The following VLDLR variants were observed in gnomAD, a reference collection of about 807,000 sequenced individuals.
The protein encoded by VLDLR is very low-density lipoprotein receptor.
A neutral mutation model predicts 112.7 loss-of-function variants in VLDLR; 81 were observed. That is an observed-to-expected ratio of 0.72 (90% confidence interval 0.60 to 0.86). The LOEUF (loss-of-function observed/expected upper bound fraction) is 0.86, where lower values mean the gene tolerates loss of function less well. VLDLR is among the 40% of genes least tolerant of loss of function. VLDLR has a pLI of 0.00. For missense variants in VLDLR, 1,237 were observed against 1,099.4 expected (o/e 1.13, Z -1.77); for synonymous variants, 436 against 384.8 (o/e 1.13, Z -1.56).
Position 2,651,498 on chromosome 9 carries a change from G to C in VLDLR, c.2335G>C (p.Gly779Arg), listed in dbSNP as rs759163021. The C allele has an allele frequency of 1.2e-6, 2 of 1,613,040 alleles. No individual in the cohort carries two copies. The highest frequency in any genetic ancestry group is 1.7e-6 in the Non-Finnish European group (2 of 1,179,234). ...ISATSGLVPG[G>R]INVTTAVSEV... The stretch of plus-strand genomic sequence containing the variant: ...AGCAACTAGTGGACTAGTTCCTGGA[G>C]GTATTGAGTTCAGTACTGCAAACTG... The change falls in exon 16 of 19, where the codon GGG (glycine) becomes CGG (arginine). Residue 779 changes from glycine to arginine, a missense_variant and splice_region_variant. Coordinates refer to ENST00000382100, the MANE Select transcript of VLDLR (RefSeq NM_003383.5).
At chr9:2,645,240 C>G (rs1171222252) in intron 9 of VLDLR, among the ~76,000 whole-genome samples, 158 bp downstream of exon 9, 2 of 152,168 alleles carry the variant, frequency 1.3e-5, no homozygotes, top group African/African-American at 4.8e-5. Flanking sequence ...AATAGCAGAT[C>G]TCTCCCCTAG....
At chr9:2,644,163 T>G (rs1563759516) in intron 7 of VLDLR, among the ~76,000 whole-genome samples, 2 of 140,770 alleles carry the variant, frequency 1.4e-5, no homozygotes, top group Non-Finnish European at 3.1e-5. Context: ...GTTTTTTTTT[T>G]TTTTTTTTTT....
At chr9:2,647,398 A>T in intron 11 of VLDLR, 76 bp from the exon 12 acceptor site, 2 of 1,280,384 alleles carry the variant, frequency 1.6e-6, no homozygotes, top group South Asian at 1.2e-5. Flanking sequence ...CTCAAATTTT[A>T]AATTTTTGTT....
Position 2,645,095 on chromosome 9 carries a change from G to C in VLDLR, c.1312+13G>C. 1 of 1,614,036 alleles carries C rather than the reference G, an allele frequency of 6.2e-7. No homozygotes were observed. The highest frequency in any genetic ancestry group is 8.5e-7 in the Non-Finnish European group (1 of 1,180,010). On this transcript the variant is annotated intron_variant, in intron 9 of 18. Coordinates refer to ENST00000382100, the MANE Select transcript of VLDLR (RefSeq NM_003383.5). ...TGCAAGGCAGTAGGTAAATGAACTT[G>C]GACTGGTATGGCTGTTGTACCTTTA... is the stretch of plus-strand genomic sequence containing the variant.
chr9:2,643,725 T>G lies in VLDLR; in HGVS notation c.918T>G (p.Gly306=), dbSNP rs1586650757. 1 of 1,614,152 alleles carries G rather than the reference T, an allele frequency of 6.2e-7. No individual in the cohort carries two copies. Among genetic ancestry groups the G allele is most frequent in the Non-Finnish European group, 8.5e-7 (1 of 1,180,022 alleles). ...QCNGIRDCVD[G]SDEVNCKNVN... is the part of the protein sequence containing the mutation. ...ATGGTATCCGAGACTGTGTCGATGG[T>G]TCCGATGAAGTCAACTGCAAAAATG... Residue 306 remains glycine (G), a synonymous_variant, in exon 6 of 19, where the codon GGT becomes GGG. Coordinates refer to ENST00000382100, the MANE Select transcript of VLDLR (RefSeq NM_003383.5).
At chr9:2,650,825 G>C (rs550911876) in intron 15 of VLDLR, among the ~76,000 whole-genome samples, 1 of 152,302 alleles carries the variant, frequency 6.6e-6, no homozygotes, top group African/African-American at 2.4e-5. Context: ...TTCCTCAAAA[G>C]GAGGAGGACA....
intron 14 of VLDLR, 143 bp from the exon 15 acceptor site, chr9:2,650,227 A>T: frequency 2.1e-6 from 2 of 974,404 alleles, no homozygotes; most frequent in Non-Finnish European, 1.6e-6. Flanking sequence ...CTTCCTTGAT[A>T]CTGTTCTCAC....
At position 2,646,461 on chromosome 9, in the gene VLDLR, T is replaced by G. The variant is rs767201936; in HGVS notation, c.1612T>G (p.Ser538Ala). The change falls in exon 11 of 19, where the codon TCA (serine) becomes GCA (alanine). Residue 538 changes from serine (S) to alanine (A), a missense_variant. Transcript: ENST00000382100. ...YWTDAASKTI[S>A]VATLDGTKRK... ...GACTGATGCGGCTTCTAAGACTATT[T>G]CAGTAGCTACCCTAGATGGAACCAA... 7 of 1,614,064 alleles carry G rather than the reference T, an allele frequency of 4.3e-6. No homozygotes were observed. Among genetic ancestry groups the G allele is most frequent in the Non-Finnish European group, 5.9e-6 (7 of 1,180,024 alleles).
At chr9:2,624,761 G>T (rs1037451543) in intron 1 of VLDLR, among the ~76,000 whole-genome samples, 9 of 152,168 alleles carry the variant, frequency 5.9e-5, no homozygotes, top group African/African-American at 2.2e-4. Flanking sequence ...CACCAATGAA[G>T]GTATGACGAT....
At position 2,622,439 on chromosome 9, in the gene VLDLR, G is replaced by T. The variant is rs1434585472; in HGVS notation, c.82+168G>T. 5.2e-6 allele frequency: 3 copies of T among 572,244 alleles called. No homozygotes were observed. In the East Asian group the frequency reaches 1.1e-4, roughly 20 times the overall value. 35.4% of individuals were successfully genotyped at this position (572,244 alleles called of 1,614,324 possible). A position where few individuals can be genotyped will look rare whatever the true frequency, so the allele number is the denominator to read the frequency against. ...GTGGCGCCTCTGAGCTGTCAGCGCCGAGGCTAAAGGGAGCCGGGCTTGGGG... is the reference window on the plus strand; with the variant it reads ...GTGGCGCCTCTGAGCTGTCAGCGCCTAGGCTAAAGGGAGCCGGGCTTGGGG... On this transcript the variant is annotated intron_variant, in intron 1 of 18. Transcript: ENST00000382100.
At chr9:2,640,940 G>A (rs1278465086) in intron 3 of VLDLR, among the ~76,000 whole-genome samples, 1 of 152,210 alleles carries the variant, frequency 6.6e-6, no homozygotes, top group African/African-American at 2.4e-5. Context: ...ACATTGTGAA[G>A]GAGGCCCATA....
chr9:2,652,835 CAAG>C lies in VLDLR; in HGVS notation c.2475_2477del (p.Lys825del). The C allele has an allele frequency of 6.2e-7, 1 of 1,614,120 alleles. No individual in the cohort carries two copies. Among genetic ancestry groups the C allele is most frequent in the South Asian group, 1.1e-5 (1 of 91,080 alleles). ...ACTTGATGTGGCGGAATTGGCAACA[CAAG>C]AACATGAAAAGCATGAACTTTGACA... On this transcript the variant is annotated inframe_deletion, in exon 18 of 19. Transcript: ENST00000382100.
chr9:2,656,910 C>T lies in VLDLR; in HGVS notation c.*3042C>T, dbSNP rs868641555. On this transcript the variant is annotated 3_prime_UTR_variant, in exon 19 of 19. Transcript: ENST00000382100. ...AGTAGGTGTTTTAAAGCCTAGGTAT[C>T]GCTGCCTCTTTAGTTCTTGATGAAT... 1.9e-4 allele frequency: 24 copies of T among 125,044 alleles called. No homozygotes were observed. Among genetic ancestry groups the T allele is most frequent in the Admixed American group, 1.0e-3 (10 of 9,832 alleles). 7.7% of individuals were successfully genotyped at this position (125,044 alleles called of 1,614,324 possible).
At chr9:2,623,320 G>A (rs1038142312) in intron 1 of VLDLR, among the ~76,000 whole-genome samples, 1 of 152,232 alleles carries the variant, frequency 6.6e-6, no homozygotes, top group African/African-American at 2.4e-5. Context: ...AGAGGACTCA[G>A]TCGGAATCCT....
At chr9:2,645,894 A>T (rs1818048664) in intron 10 of VLDLR, 149 bp downstream of exon 10, 1 of 852,454 alleles carries the variant, frequency 1.2e-6, no homozygotes. Context: ...CTAATTCTTT[A>T]TTAAACTGTT....
intron 1 of VLDLR, among the ~76,000 whole-genome samples, chr9:2,627,414 T>A (rs1356396398): frequency 1.3e-5 from 2 of 152,180 alleles, no homozygotes; most frequent in Non-Finnish European, 2.9e-5. Context: ...AAAATCTGCG[T>A]CTGATATATC....
At chr9:2,634,266 A>C (rs1817500542) in intron 1 of VLDLR, among the ~76,000 whole-genome samples, 2 of 152,182 alleles carry the variant, frequency 1.3e-5, no homozygotes, top group Admixed American at 6.5e-5. Context: ...GTAACACAAG[A>C]GTTCCAGTCT....
rs952251757 is a variant in VLDLR, at chr9:2,622,212, C to T, written c.23C>T (p.Ala8Val). 1.3e-6 allele frequency: 2 copies of T among 1,503,212 alleles called. No homozygotes were observed. Among genetic ancestry groups the T allele is most frequent in the South Asian group, 2.5e-5 (2 of 79,702 alleles). 93.1% of individuals were successfully genotyped at this position (1,503,212 alleles called of 1,614,324 possible). Reference sequence around the variant, plus strand: ...ACCATGGGCACGTCCGCGCTCTGGGCGCTCTGGCTGCTGCTCGCGCTGTGC... The same window carrying T: ...ACCATGGGCACGTCCGCGCTCTGGGTGCTCTGGCTGCTGCTCGCGCTGTGC... Reference protein sequence around the residue: MGTSALWALWLLLALCWA... With the variant: MGTSALWVLWLLLALCWA... The change falls in exon 1 of 19, where the codon GCG becomes GTG. Residue 8 changes from alanine (A) to valine (V), a missense_variant. Ala to Val is a moderately conservative substitution (Grantham distance 64). Coordinates refer to ENST00000382100, the MANE Select transcript of VLDLR (RefSeq NM_003383.5).
At chr9:2,622,744 C>T (rs1413933398) in intron 1 of VLDLR, among the ~76,000 whole-genome samples, 3 of 152,136 alleles carry the variant, frequency 2.0e-5, no homozygotes, top group Admixed American at 1.3e-4. Flanking sequence ...CCTCCGGGGA[C>T]GCGGAGCGCC....
Sources: allele counts gnomAD v4.1 joint callset (sites outside exome capture counted in the v4.1 genomes callset), GRCh38; gene constraint gnomAD v4.1.1; transcripts MANE v1.5; gene names NCBI Gene and HGNC (gene_info 2026-07-23, HGNC 2026-07-21).